The following MX2 variants were observed in gnomAD, a reference collection of about 807,000 sequenced individuals.
The protein encoded by MX2 is interferon-induced GTP-binding protein Mx2.
In MX2, 51 loss-of-function variants were observed where a neutral mutation model predicts 74.0. The observed-to-expected ratio is 0.69, with a 90% confidence interval of 0.55 to 0.87. The LOEUF (loss-of-function observed/expected upper bound fraction) is 0.87, where lower values mean the gene tolerates loss of function less well. Ranked by LOEUF, MX2 falls within the 40% of genes least tolerant of loss-of-function variation. The pLI is 0.00. For missense variants in MX2, 832 were observed against 908.7 expected (o/e 0.92, Z 1.09); for synonymous variants, 369 against 339.3 (o/e 1.09, Z -0.96).
intron 6 of MX2, 120 bp from the exon 7 acceptor site, chr21:41,395,467 G>A (rs2089721871): frequency 1.3e-6 from 1 of 787,548 alleles, no homozygotes; most frequent in Non-Finnish European, 2.1e-6. Flanking sequence ...ATGAGGCACT[G>A]GAGGATCAAG....
rs59054206 is a variant in MX2 at position 41,388,636 on chromosome 21, G to T, written c.733-1929G>T. Among the ~76,000 whole-genome samples, 15,148 of 152,200 alleles carry T rather than the reference G, an allele frequency of 0.1. 1,640 individuals carry two copies. Among genetic ancestry groups the T allele is most frequent in the African/African-American group, 0.27 (11,296 of 41,492 alleles). On this transcript the variant is annotated intron_variant, in intron 5 of 13. Coordinates refer to ENST00000330714, the MANE Select transcript of MX2 (RefSeq NM_002463.2). This position sits in a 1 kb window ranked among gnomAD's most constrained non-coding sequence, Gnocchi z 4.0. ...GCCGAGTCTCTGAACCCCAGGATGG[G>T]CCCCACACCTGGTGGGCACTGCTAA...
chr21:41,375,275 G>C (rs987300757), intron 1 of MX2, among the ~76,000 whole-genome samples: 1 of 152,246 alleles, frequency 6.6e-6, no homozygotes, highest in African/African-American at 2.4e-5. Flanking sequence ...CCAGGAGTGA[G>C]GGCTTGGTCT....
Position 41,375,653 on chromosome 21 carries a change from C to A in MX2, c.-71-1183C>A, listed in dbSNP as rs968711624. On this transcript the variant is annotated intron_variant, in intron 1 of 13. Transcript: ENST00000330714. ...CCTCTGCCTGTCTCTGATAAGGACA[C>A]CTGTGATGAGATTTAGGGCCCATTC... Among the ~76,000 whole-genome samples, 7 of 152,212 alleles carry A rather than the reference C, an allele frequency of 4.6e-5. No individual in the cohort carries two copies. The South Asian group carries it at 1.4e-3, about 32-fold the overall frequency.
chr21:41,384,010 T>C (rs1380490290), intron 5 of MX2, among the ~76,000 whole-genome samples: 1 of 152,122 alleles, frequency 6.6e-6, no homozygotes, highest in Non-Finnish European at 1.5e-5. Flanking sequence ...GATAGGATCA[T>C]GGGGGTGTTT....
At chr21:41,399,103 G>A in intron 9 of MX2, 84 bp downstream of exon 9, 1 of 1,596,094 alleles carries the variant, frequency 6.3e-7, no homozygotes, top group East Asian at 2.2e-5. Flanking sequence ...TCACCCATGA[G>A]ATGAGGTGGG....
intron 5 of MX2, among the ~76,000 whole-genome samples, chr21:41,386,219 CAAAAAAAAAAA>C (rs59005802): frequency 5.6e-4 from 18 of 31,998 alleles, no homozygotes; most frequent in East Asian, 1.1e-3. Flanking sequence ...TACTCCATCT[CAAAAAAAAAAA>C]AAAAAAAAAA....
At chr21:41,399,483 G>A (rs1273312584) in intron 10 of MX2, 146 bp downstream of exon 10, 9 of 848,712 alleles carry the variant, frequency 1.1e-5, no homozygotes, top group South Asian at 3.8e-5. Context: ...GTCTCTCAAC[G>A]AACAAAACCC....
rs377392390 is a variant in MX2, at chr21:41,368,572, C to T, written c.-72+6517C>T. ...CCTTTATTTTGCAGAGCAATCTGTGCCCAGCTCCTGTCCTCTCAAACTTAA... is the reference window on the plus strand; with the variant it reads ...CCTTTATTTTGCAGAGCAATCTGTGTCCAGCTCCTGTCCTCTCAAACTTAA... On this transcript the variant is annotated intron_variant, in intron 1 of 13. Transcript: ENST00000330714. This position sits in a 1 kb window ranked among gnomAD's most constrained non-coding sequence, Gnocchi z 4.6. 6.3e-4 allele frequency among the ~76,000 whole-genome samples: 96 copies of T among 152,302 alleles called. No individual in the cohort carries two copies. The highest frequency in any genetic ancestry group is 1.8e-3 in the African/African-American group (75 of 41,564).
chr21:41,397,086 C>T (rs1363894290), intron 7 of MX2, among the ~76,000 whole-genome samples: 1 of 152,218 alleles, frequency 6.6e-6, no homozygotes, highest in Non-Finnish European at 1.5e-5. Context: ...GGGAATAATC[C>T]TGTGTGCTTC....
At chr21:41,385,318 A>G (rs2145908800) in intron 5 of MX2, among the ~76,000 whole-genome samples, 1 of 152,346 alleles carries the variant, frequency 6.6e-6, no homozygotes, top group African/African-American at 2.4e-5. Flanking sequence ...CCCAAATCTC[A>G]TCTTGAATTG....
At chr21:41,367,444 A>G (rs571873940) in intron 1 of MX2, 1 of 152,230 alleles carries the variant, frequency 6.6e-6, no homozygotes, top group South Asian at 2.1e-4. Context: ...AAACCTGAAT[A>G]AGATGGTAAT....
chr21:41,407,766 CA>C (rs1305323613), intron 13 of MX2, among the ~76,000 whole-genome samples: 1 of 152,142 alleles, frequency 6.6e-6, no homozygotes, highest in Non-Finnish European at 1.5e-5. Flanking sequence ...GCTAGCCTAC[CA>C]GGGGGCTTCT....
chr21:41,390,562 C>T lies in MX2; in HGVS notation c.733-3C>T. 5 of 1,614,054 alleles carry T rather than the reference C, an allele frequency of 3.1e-6. No individual in the cohort carries two copies. Among genetic ancestry groups the T allele is most frequent in the Non-Finnish European group, 4.2e-6 (5 of 1,179,956 alleles). The stretch of plus-strand genomic sequence containing the variant: ...CTTTCTTTGTGCGATTCTTTGGCAT[C>T]AGATCAAGGCTCTCATCAAGAAGTA... On this transcript the variant is annotated splice_region_variant and splice_polypyrimidine_tract_variant and intron_variant, in intron 5 of 13. Coordinates refer to ENST00000330714, the MANE Select transcript of MX2 (RefSeq NM_002463.2).
intron 6 of MX2, among the ~76,000 whole-genome samples, chr21:41,393,128 A>G (rs533726494): frequency 1.9e-3 from 260 of 139,928 alleles, no homozygotes; most frequent in African/African-American, 5.5e-3. Context: ...AAAAAAAAAA[A>G]AAAGAAAGAA....
Position 41,408,122 on chromosome 21 carries a change from T to C in MX2, c.2037T>C (p.Leu679=). Residue 679 remains leucine (L), a synonymous_variant, in exon 14 of 14, where the codon CTT becomes CTC. Coordinates refer to ENST00000330714, the MANE Select transcript of MX2 (RefSeq NM_002463.2). ...AAAAAAATCGCTATTCCTGGCTGCT[T>C]CAAGAGCAGAGTGAGACCGCTACCA... ...LQEKNRYSWL[L]QEQSETATKR... The C allele has an allele frequency of 6.2e-7, 1 of 1,614,196 alleles. No individual in the cohort carries two copies. The highest frequency in any genetic ancestry group is 8.5e-7 in the Non-Finnish European group (1 of 1,180,032).
At position 41,384,420 on chromosome 21, in the gene MX2, C is replaced by T. The variant is rs78706346; in HGVS notation, c.732+1856C>T. Among the ~76,000 whole-genome samples, 1,204 of 152,310 alleles carry T rather than the reference C, an allele frequency of 7.9e-3. 21 individuals are homozygous for T. Among genetic ancestry groups the T allele is most frequent in the African/African-American group, 0.027 (1,126 of 41,548 alleles). The stretch of plus-strand genomic sequence containing the variant: ...TTCATCAAAAGCAAGTTGGTTGAGA[C>T]GGCAAAATTTTTCCGTTGTTGTAAA... On this transcript the variant is annotated intron_variant, in intron 5 of 13. Coordinates refer to ENST00000330714, the MANE Select transcript of MX2 (RefSeq NM_002463.2).
At chr21:41,376,751 G>T in intron 1 of MX2, 85 bp from the exon 2 acceptor site, 1 of 971,724 alleles carries the variant, frequency 1.0e-6, no homozygotes, top group South Asian at 1.5e-5. Flanking sequence ...GTTGTAGGGT[G>T]GGGTGAGGAG....
chr21:41,401,874 G>T lies in MX2; in HGVS notation c.1415-96G>T, dbSNP rs568497214. ...CTCCACTTTGCAACATTGCCTCTGC[G>T]TACAGTGGGGAGCAAGACTTTATAA... On this transcript the variant is annotated intron_variant, in intron 10 of 13. Coordinates refer to ENST00000330714, the MANE Select transcript of MX2 (RefSeq NM_002463.2). 2.5e-5 allele frequency: 35 copies of T among 1,373,832 alleles called. No homozygotes were observed. The East Asian group carries it at 7.2e-4, about 28-fold the overall frequency. 85.1% of individuals were successfully genotyped at this position (1,373,832 alleles called of 1,614,324 possible). A position where few individuals can be genotyped will look rare whatever the true frequency, so the allele number is the denominator to read the frequency against.
intron 1 of MX2, among the ~76,000 whole-genome samples, chr21:41,370,972 G>T (rs2089317702): frequency 1.3e-5 from 2 of 152,192 alleles, no homozygotes; most frequent in Non-Finnish European, 2.9e-5. Flanking sequence ...ATTTCCAAAT[G>T]GACTGCTGAG....
Sources: allele counts gnomAD v4.1 joint callset (sites outside exome capture counted in the v4.1 genomes callset), GRCh38; gene constraint gnomAD v4.1.1; non-coding constraint Gnocchi (gnomAD v3.1); transcripts MANE v1.5; gene names NCBI Gene and HGNC (gene_info 2026-07-23, HGNC 2026-07-21).